The following F5 variants were observed in gnomAD, a reference collection of about 807,000 sequenced individuals.
F5 encodes the protein coagulation factor V.
In F5, 138 loss-of-function variants were observed where a neutral mutation model predicts 216.4. The observed-to-expected ratio is 0.64, with a 90% CI of 0.56 to 0.73. The LOEUF is 0.73. F5 is among the 30% of genes least tolerant of loss of function. The pLI, the probability that F5 is intolerant of heterozygous loss-of-function variation, is 0.00. For synonymous variants in F5, 916 were observed against 930.7 expected (o/e 0.98, Z 0.29); for missense variants, 2,403 against 2,674.0 (o/e 0.90, Z 2.24).
intron 3 of F5, among the ~76,000 whole-genome samples, chr1:169,567,006 G>A (rs1464454678): frequency 6.6e-6 from 1 of 151,918 alleles, no homozygotes; most frequent in Non-Finnish European, 1.5e-5. Flanking sequence ...AAAGTACCCT[G>A]GATTGAGTGG....
chr1:169,562,873 CGAG>C (rs1660513898), intron 3 of F5, among the ~76,000 whole-genome samples: 1 of 151,632 alleles, frequency 6.6e-6, no homozygotes, highest in South Asian at 2.1e-4. Context: ...TAGATTAAAA[CGAG>C]GAAAAAATTT....
intron 12 of F5, 105 bp from the exon 13 acceptor site, chr1:169,543,219 A>C: frequency 9.4e-7 from 1 of 1,064,950 alleles, no homozygotes; most frequent in East Asian, 2.5e-5. Flanking sequence ...TTTCGTCAGG[A>C]ATATTCAAGT....
At chr1:169,553,483 C>T (rs957297729) in intron 7 of F5, among the ~76,000 whole-genome samples, 6 of 152,166 alleles carry the variant, frequency 3.9e-5, no homozygotes, top group African/African-American at 9.7e-5. Context: ...CCGAGGCGGG[C>T]AAATCACGAG....
At chr1:169,558,554 G>A (rs1660382728) in intron 5 of F5, among the ~76,000 whole-genome samples, 1 of 152,100 alleles carries the variant, frequency 6.6e-6, no homozygotes, top group African/African-American at 2.4e-5. Flanking sequence ...CATATACCCT[G>A]GATCTTTAGT....
At chr1:169,551,001 G>A (rs772984200) in intron 8 of F5, among the ~76,000 whole-genome samples, 1 of 152,120 alleles carries the variant, frequency 6.6e-6, no homozygotes, top group South Asian at 2.1e-4. Context: ...GAGAAGTGAC[G>A]TTTTCCTCAC....
rs543567093 is a variant in F5, at chr1:169,541,246, G to T, written c.3844C>A (p.His1282Asn). The change falls in exon 13 of 25, where the codon CAT (histidine) becomes AAT (asparagine). Residue 1282 changes from histidine (H) to asparagine (N), a missense_variant. His to Asn is a moderately conservative substitution (Grantham distance 68). This residue lies in a region of F5 where 1,425 missense variants were observed against 1,554.8 expected (regional missense o/e 0.92). Coordinates refer to ENST00000367797, the MANE Select transcript of F5 (RefSeq NM_000130.5). Reference protein sequence around the residue: ...GQMPLSPDLSHTTLSLDFSQT... With the variant: ...GQMPLSPDLSNTTLSLDFSQT... ...CTGAAGTCTAGAGAAAGGGTTGTAT[G>T]GCTGAGGTCTGGAGAAAGGGGCATC... The T allele has an allele frequency of 6.3e-7, 1 of 1,590,956 alleles. No individual in the cohort carries two copies. Among genetic ancestry groups the T allele is most frequent in the East Asian group, 2.3e-5 (1 of 44,160 alleles).
intron 3 of F5, among the ~76,000 whole-genome samples, chr1:169,569,627 G>A (rs181482615): frequency 6.6e-6 from 1 of 152,144 alleles, no homozygotes; most frequent in East Asian, 1.9e-4. Context: ...AGTTACAGTT[G>A]CAGATACTTT....
chr1:169,514,048 A>T lies in F5; in HGVS notation c.*265T>A. ...TTACTTCATAGCATTTTCAATCATTAAGAAAGATAAGCCCTTTTCTTGTTG... is the reference window on the plus strand; with the variant it reads ...TTACTTCATAGCATTTTCAATCATTTAGAAAGATAAGCCCTTTTCTTGTTG... On this transcript the variant is annotated 3_prime_UTR_variant, in exon 25 of 25. Coordinates refer to ENST00000367797, the MANE Select transcript of F5 (RefSeq NM_000130.5). The T allele has an allele frequency of 2.3e-6, 1 of 433,210 alleles. No individual in the cohort carries two copies. The highest frequency in any genetic ancestry group is 4.1e-6 in the Non-Finnish European group (1 of 241,734). 26.8% of individuals were successfully genotyped at this position (433,210 alleles called of 1,614,324 possible).
Position 169,572,247 on chromosome 1 carries a change from C to T in F5, c.347G>A (p.Gly116Glu). The change falls in exon 3 of 25, where the codon GGA becomes GAA. Residue 116 changes from glycine to glutamate, a missense_variant. Physicochemically the swap from Gly to Glu is moderately conservative, Grantham distance 98 (BLOSUM62 -2). This residue lies in a region of F5 where 1,425 missense variants were observed against 1,554.8 expected (regional missense o/e 0.92). Transcript: ENST00000367797. ...TTCTGATAATTTACTGTACCTAATT[C>T]CTTGAGGATGGATGCTCAAGGGCTT... is the stretch of plus-strand genomic sequence containing the variant. ...ADKPLSIHPQ[G>E]IRYSKLSEGA... The T allele has an allele frequency of 6.2e-7, 1 of 1,613,026 alleles. No homozygotes were observed. Among genetic ancestry groups the T allele is most frequent in the African/African-American group, 1.3e-5 (1 of 75,000 alleles).
At position 169,525,943 on chromosome 1, in the gene F5, G is replaced by C. The variant is rs775671654; in HGVS notation, c.5674C>G (p.Gln1892Glu). Residue 1892 changes from glutamine (Q) to glutamate (E), a missense_variant, in exon 18 of 25, where the codon CAG becomes GAG. Transcript: ENST00000367797. ...WLLNTEVGEN[Q>E]RAGMQTPFLI... is the part of the protein sequence containing the mutation. ...AATGGCGTTTGCATCCCTGCTCTCT[G>C]GTTTTCTCCAACCTCTGTGTTTAGG... The C allele has an allele frequency of 5.0e-6, 8 of 1,613,180 alleles. No individual in the cohort carries two copies. Among genetic ancestry groups the C allele is most frequent in the Non-Finnish European group, 5.9e-6 (7 of 1,179,394 alleles).
chr1:169,515,743 T>G (rs905299735), intron 23 of F5, 117 bp from the exon 24 acceptor site: 41 of 1,003,696 alleles, frequency 4.1e-5, no homozygotes, highest in Non-Finnish European at 6.0e-5. Context: ...ATCTTATCCC[T>G]TAGGATTCAC....
chr1:169,560,928 T>C (rs1416016386), intron 3 of F5, among the ~76,000 whole-genome samples, 162 bp from the exon 4 acceptor site: 1 of 152,188 alleles, frequency 6.6e-6, no homozygotes, highest in Non-Finnish European at 1.5e-5. Context: ...CCCATTTCTA[T>C]GCTCATGTAC....
rs1660004835 is a variant in F5, at chr1:169,546,496, G to T, written c.1708C>A (p.Pro570Thr). The T allele has an allele frequency of 1.9e-6, 3 of 1,614,102 alleles. No homozygotes were observed. Among genetic ancestry groups the T allele is most frequent in the South Asian group, 1.1e-5 (1 of 91,080 alleles). The change falls in exon 11 of 25, where the codon CCT becomes ACT. Residue 570 changes from proline to threonine, a missense_variant. Physicochemically the swap from Pro to Thr is conservative, Grantham distance 38. Around this residue, in one of 4 missense-constraint regions of F5, gnomAD observed 1,425 missense variants for 1,554.8 expected, o/e 0.92. Transcript: ENST00000367797. ...GGGTCATCACGTTTCACCTCATCAG[G>T]ATTTTCACAAAACTTGTTGATGTTG... ...EDNINKFCEN[P>T]DEVKRDDPKF...
At chr1:169,515,750 T>TAA (rs1173329863) in intron 23 of F5, 124 bp from the exon 24 acceptor site, 1 of 915,514 alleles carries the variant, frequency 1.1e-6, no homozygotes, top group Non-Finnish European at 1.7e-6. Flanking sequence ...CCCTTAGGAT[T>TAA]CACAGTCTCC....
At chr1:169,582,353 A>G (rs1213524409) in intron 2 of F5, 78 bp downstream of exon 2, 2 of 739,522 alleles carry the variant, frequency 2.7e-6, no homozygotes, top group African/African-American at 3.6e-5. Context: ...CAGTAAATGG[A>G]TATTTTAGAT....
intron 22 of F5, among the ~76,000 whole-genome samples, chr1:169,520,132 T>C (rs1279518711): frequency 6.6e-6 from 1 of 152,202 alleles, no homozygotes; most frequent in Non-Finnish European, 1.5e-5. Context: ...TATATGGCAG[T>C]GATGTTGCCA....
intron 14 of F5, among the ~76,000 whole-genome samples, chr1:169,534,675 A>T (rs957591462): frequency 1.3e-5 from 2 of 152,084 alleles, no homozygotes; most frequent in Non-Finnish European, 2.9e-5. Context: ...CTCAAAAAAA[A>T]AAAAAAGAAA....
At chr1:169,523,514 G>A (rs896990566) in intron 20 of F5, among the ~76,000 whole-genome samples, 162 bp from the exon 21 acceptor site, 1 of 152,176 alleles carries the variant, frequency 6.6e-6, no homozygotes, top group Non-Finnish European at 1.5e-5. Flanking sequence ...TGGGCACAGA[G>A]TACCTAAATT....
intron 9 of F5, 72 bp downstream of exon 9, chr1:169,550,568 G>C: frequency 1.7e-6 from 2 of 1,151,242 alleles, no homozygotes; most frequent in Admixed American, 3.4e-5. Context: ...ACCGGGCAAG[G>C]AGAATAGCAG....
Sources: gnomAD v4.1 joint callset for allele counts (sites outside exome capture counted in the v4.1 genomes callset) on GRCh38, gnomAD v4.1.1 for gene constraint, gnomAD v4.1.1 regional missense constraint, MANE v1.5 for transcripts, NCBI Gene and HGNC (gene_info 2026-07-23, HGNC 2026-07-21) for gene names.